The following LINGO2 variants were observed in gnomAD, a reference collection of about 807,000 sequenced individuals.
LINGO2 encodes leucine-rich repeat and immunoglobulin-like domain-containing nogo receptor-interacting protein 2.
A neutral mutation model predicts 30.6 loss-of-function variants in LINGO2; 14 were observed. That is an observed-to-expected ratio of 0.46 (90% CI 0.30 to 0.72). LINGO2 has a LOEUF of 0.72. Among genes scored for constraint, LINGO2 ranks in the 30% least tolerant of loss-of-function variants. The probability of loss-of-function intolerance (pLI) is 0.07; values close to 1 mark genes in which losing one functional copy is unlikely to be tolerated. For missense variants in LINGO2, 729 were observed against 751.7 expected, an observed-to-expected ratio of 0.97 and a Z score of 0.35; for synonymous variants, 317 against 288.5, an observed-to-expected ratio of 1.10 and a Z score of -1.00.
the LINGO2 span, among the ~76,000 whole-genome samples, chr9:29,062,042 G>T: frequency 2.0e-5 from 3 of 151,932 alleles, no homozygotes; most frequent in African/African-American, 7.2e-5. Flanking sequence ...AAACAGATAC[G>T]CAAATGGAAT....
At chr9:29,114,637 G>C in the LINGO2 span, among the ~76,000 whole-genome samples, 3 of 143,476 alleles carry the variant, frequency 2.1e-5, no homozygotes, top group Admixed American at 7.4e-5. Context: ...CCACCTATGA[G>C]TGAGAACATG....
chr9:28,496,462 A>G (rs932164752), intron 1 of LINGO2, among the ~76,000 whole-genome samples: 4 of 150,798 alleles, frequency 2.7e-5, no homozygotes. Context: ...AGTCTGTTTT[A>G]TCAGATACTA....
intron 1 of LINGO2, among the ~76,000 whole-genome samples, chr9:28,579,061 C>CTTTTT (rs34468047): frequency 2.0e-5 from 3 of 150,046 alleles, no homozygotes; most frequent in Non-Finnish European, 4.4e-5. Context: ...CATAAGAGCT[C>CTTTTT]TTTTTTTTTT....
chr9:28,809,833 T>C, the LINGO2 span, among the ~76,000 whole-genome samples: 1 of 151,390 alleles, frequency 6.6e-6, no homozygotes, highest in Admixed American at 6.6e-5. Flanking sequence ...TAATCTTCCC[T>C]ATAGCTCATC....
rs556174021 is a variant in LINGO2 at position 28,594,866 on chromosome 9, C to T, written c.-365+75334G>A. On this transcript the variant is annotated intron_variant, in intron 1 of 5. Coordinates refer to ENST00000379992, the Ensembl canonical transcript of LINGO2. ...TATGAAAGAATACTCCCCAAGACTG[C>T]TCTATTACTGATTTTTCATGTGTGA... Among the ~76,000 whole-genome samples the T allele has an allele frequency of 6.6e-4, 100 of 152,098 alleles. 1 individual carries two copies. The highest frequency in any genetic ancestry group is 2.3e-3 in the African/African-American group (95 of 41,520).
chr9:28,031,831 T>A (rs2119442890), intron 4 of LINGO2, among the ~76,000 whole-genome samples: 1 of 152,308 alleles, frequency 6.6e-6, no homozygotes, highest in Middle Eastern at 3.4e-3. Context: ...CAGAGAGATA[T>A]TAGTGATTCT....
At chr9:28,067,696 G>A (rs1466036374) in intron 4 of LINGO2, among the ~76,000 whole-genome samples, 2 of 152,138 alleles carry the variant, frequency 1.3e-5, no homozygotes, top group East Asian at 1.9e-4. Context: ...TTAGTTTTCA[G>A]AAGCAAAGGA....
chr9:29,202,426 A>G, the LINGO2 span, among the ~76,000 whole-genome samples: 1 of 152,110 alleles, frequency 6.6e-6, no homozygotes, highest in African/African-American at 2.4e-5. Flanking sequence ...TTACTTTTAA[A>G]TACTGCTTCC....
At chr9:27,976,595 C>T (rs946537418) in intron 5 of LINGO2, among the ~76,000 whole-genome samples, 8 of 151,948 alleles carry the variant, frequency 5.3e-5, no homozygotes, top group African/African-American at 1.4e-4. Context: ...TATAGATAGG[C>T]AATTGATTTT....
the LINGO2 span, among the ~76,000 whole-genome samples, chr9:28,904,894 G>C: frequency 7.9e-5 from 12 of 151,934 alleles, no homozygotes; most frequent in Non-Finnish European, 1.3e-4. Context: ...ATCTTAACCA[G>C]AAGGAATGAA....
At chr9:28,975,221 T>G in the LINGO2 span, among the ~76,000 whole-genome samples, 1 of 152,084 alleles carries the variant, frequency 6.6e-6, no homozygotes, top group African/African-American at 2.4e-5. Context: ...AGAAAATTCT[T>G]AGGAAAAGCA....
chr9:29,085,927 T>G, the LINGO2 span, among the ~76,000 whole-genome samples: 1 of 152,170 alleles, frequency 6.6e-6, no homozygotes, highest in Non-Finnish European at 1.5e-5. Context: ...TTCCTGTTAG[T>G]AGTTCCAAAT....
At chr9:28,503,651 T>G (rs1319571216) in intron 1 of LINGO2, among the ~76,000 whole-genome samples, 1 of 152,020 alleles carries the variant, frequency 6.6e-6, no homozygotes, top group African/African-American at 2.4e-5. Context: ...TAATATTTGT[T>G]TTATATAAGA....
At chr9:28,528,258 C>T (rs1302457187) in intron 1 of LINGO2, among the ~76,000 whole-genome samples, 3 of 152,114 alleles carry the variant, frequency 2.0e-5, no homozygotes, top group Admixed American at 6.5e-5. Flanking sequence ...TAAAAATTGC[C>T]ACATGATAAG....
chr9:28,525,748 A>T (rs899259347), intron 1 of LINGO2, among the ~76,000 whole-genome samples: 2 of 152,132 alleles, frequency 1.3e-5, no homozygotes, highest in Non-Finnish European at 2.9e-5. Context: ...AACTCTAAAA[A>T]TATGTTTTTT....
At chr9:28,955,178 G>GAA in the LINGO2 span, among the ~76,000 whole-genome samples, 1 of 151,948 alleles carries the variant, frequency 6.6e-6, no homozygotes, top group East Asian at 1.9e-4. Flanking sequence ...TCGAAATAGA[G>GAA]AGAGAGAGTG....
chr9:27,961,074 T>C (rs1434781496), intron 5 of LINGO2, among the ~76,000 whole-genome samples: 1 of 152,166 alleles, frequency 6.6e-6, no homozygotes, highest in East Asian at 1.9e-4. Flanking sequence ...CCATTCTGTT[T>C]TCCCATTTCA....
At chr9:29,097,811 T>C in the LINGO2 span, among the ~76,000 whole-genome samples, 1 of 138,702 alleles carries the variant, frequency 7.2e-6, no homozygotes, top group Non-Finnish European at 1.6e-5. Flanking sequence ...TTTTTATTAT[T>C]CACAAAAATA....
In LINGO2 at chr9:28,297,677, A is replaced by G. The variant is rs112996578; in HGVS notation, c.-245-2311T>C. Among the ~76,000 whole-genome samples the G allele has an allele frequency of 7.7e-3, 1,173 of 152,320 alleles. 13 individuals carry two copies. Among genetic ancestry groups the G allele is most frequent in the South Asian group, 0.031 (151 of 4,820 alleles). On this transcript the variant is annotated intron_variant, in intron 3 of 5. Transcript: ENST00000379992. ...ATAGAAGGATCAATTCACATAGCTAATGCTTGTGAGGTTGTTATTGGATGT... is the reference window on the plus strand; with the variant it reads ...ATAGAAGGATCAATTCACATAGCTAGTGCTTGTGAGGTTGTTATTGGATGT...
Sources: gnomAD v4.1 joint callset for allele counts (sites outside exome capture counted in the v4.1 genomes callset) on GRCh38, gnomAD v4.1.1 for gene constraint, MANE v1.5 for transcripts, NCBI Gene and HGNC (gene_info 2026-07-23, HGNC 2026-07-21) for gene names.